GPR137B: variants seen among roughly 807,000 people sequenced by gnomAD.
GPR137B encodes G protein-coupled receptor 137B.
Under a neutral mutation model 42.5 loss-of-function variants are expected in GPR137B, and 42 were observed. The ratio of observed to expected loss-of-function variants is 0.99; its 90% CI spans 0.77 to 1.28. GPR137B has a LOEUF of 1.28. Among genes scored for constraint, GPR137B ranks in the 50% most tolerant of loss-of-function variants. The probability of loss-of-function intolerance (pLI) is 0.00; values close to 1 mark genes in which losing one functional copy is unlikely to be tolerated. For missense variants in GPR137B, 487 were observed against 493.9 expected, an observed-to-expected ratio of 0.99 and a Z score of 0.13; for synonymous variants, 218 against 209.7, an observed-to-expected ratio of 1.04 and a Z score of -0.34.
At chr1:236,144,764 C>A (rs1403075875) in intron 1 of GPR137B, among the ~76,000 whole-genome samples, 1 of 152,190 alleles carries the variant, frequency 6.6e-6, no homozygotes, top group African/African-American at 2.4e-5. Context: ...GTGATGTTAC[C>A]CTAAGAACTG....
intron 5 of GPR137B, among the ~76,000 whole-genome samples, chr1:236,192,276 C>G (rs61385706): frequency 0.02 from 3,112 of 152,148 alleles, 110 homozygotes; most frequent in African/African-American, 0.069. Flanking sequence ...TGGGGTGGGA[C>G]CTACCGAGCC....
At chr1:236,180,253 T>C (rs1248935256) in intron 4 of GPR137B, 1 of 446,626 alleles carries the variant, frequency 2.2e-6, no homozygotes, top group African/African-American at 2.0e-5. Flanking sequence ...TAAACAGTTG[T>C]TATACTACAT....
rs1662040602 is a variant in GPR137B, at chr1:236,156,743, C to T, written c.415-11963C>T. On this transcript the variant is annotated intron_variant, in intron 1 of 6. Coordinates refer to ENST00000366592, the MANE Select transcript of GPR137B (RefSeq NM_003272.4). This position sits in a 1 kb window ranked among gnomAD's most constrained non-coding sequence, Gnocchi z 4.8. ...CTCAGCATGTGGGAACAGACTGAAG[C>T]AGCTGACTAATGACTGTTGCCTGGG... 6.6e-6 allele frequency among the ~76,000 whole-genome samples: 1 copy of T among 152,190 alleles called. No individual in the cohort carries two copies. Among genetic ancestry groups the T allele is most frequent in the Non-Finnish European group, 1.5e-5 (1 of 68,036 alleles).
intron 3 of GPR137B, among the ~76,000 whole-genome samples, chr1:236,179,628 A>T (rs1310254877): frequency 6.6e-6 from 1 of 152,216 alleles, no homozygotes; most frequent in Non-Finnish European, 1.5e-5. Flanking sequence ...CGTACACTCT[A>T]GGCCACGGGA....
chr1:236,193,651 T>C (rs1224404616), intron 5 of GPR137B, among the ~76,000 whole-genome samples: 1 of 152,226 alleles, frequency 6.6e-6, no homozygotes, highest in Non-Finnish European at 1.5e-5. Flanking sequence ...GTGTGCTTAG[T>C]GGTCATTTGT....
At chr1:236,205,089 G>A in intron 5 of GPR137B, 37 bp from the exon 6 acceptor site, 3 of 1,552,610 alleles carry the variant, frequency 1.9e-6, no homozygotes, top group Non-Finnish European at 2.6e-6. Context: ...AAGGCATGAT[G>A]TCTGTAAGTA....
At chr1:236,181,996 G>A (rs10924547) in intron 4 of GPR137B, among the ~76,000 whole-genome samples, 1,968 of 151,134 alleles carry the variant, frequency 0.013, 51 homozygotes, top group African/African-American at 0.046. Flanking sequence ...GGGTTCAAGC[G>A]ATTCTTCTGC....
chr1:236,201,263 T>G (rs1663484559), intron 5 of GPR137B, among the ~76,000 whole-genome samples: 1 of 152,066 alleles, frequency 6.6e-6, no homozygotes, highest in South Asian at 2.1e-4. Context: ...CTGTGCCTGA[T>G]CATCTTTTTG....
chr1:236,197,290 A>G (rs532460418), intron 5 of GPR137B, among the ~76,000 whole-genome samples: 1 of 152,126 alleles, frequency 6.6e-6, no homozygotes, highest in Non-Finnish European at 1.5e-5. Flanking sequence ...ATATTAGTCC[A>G]TTGCTGGATG....
chr1:236,149,837 C>T (rs956736230), intron 1 of GPR137B, among the ~76,000 whole-genome samples: 1 of 152,244 alleles, frequency 6.6e-6, no homozygotes, highest in Non-Finnish European at 1.5e-5. Flanking sequence ...TGTGTGTGCA[C>T]CTAGGTGTGC....
chr1:236,147,341 A>T (rs968723578), intron 1 of GPR137B, among the ~76,000 whole-genome samples: 2 of 152,230 alleles, frequency 1.3e-5, no homozygotes, highest in Admixed American at 1.3e-4. Context: ...CCACGTGGCC[A>T]TGTTGACATG....
At chr1:236,165,482 G>A (rs1483978604) in intron 1 of GPR137B, among the ~76,000 whole-genome samples, 2 of 152,154 alleles carry the variant, frequency 1.3e-5, no homozygotes, top group African/African-American at 4.8e-5. Context: ...GAACTCCAGG[G>A]CCCTCTTGTA....
intron 1 of GPR137B, among the ~76,000 whole-genome samples, chr1:236,168,094 A>T (rs536839057): frequency 6.6e-6 from 1 of 152,006 alleles, no homozygotes; most frequent in South Asian, 2.1e-4. Flanking sequence ...TGCCAGCAAA[A>T]ATTCTAATAA....
intron 4 of GPR137B, chr1:236,180,247 C>T (rs1473391078): frequency 2.0e-6 from 1 of 502,442 alleles, no homozygotes; most frequent in Non-Finnish European, 3.6e-6. Flanking sequence ...GCTATGTAAA[C>T]AGTTGTTATA....
chr1:236,147,423 C>T (rs1410227710), intron 1 of GPR137B, among the ~76,000 whole-genome samples: 1 of 152,246 alleles, frequency 6.6e-6, no homozygotes, highest in Non-Finnish European at 1.5e-5. Flanking sequence ...AGGGGGCAGC[C>T]ACATGGCTTT....
chr1:236,167,390 C>T (rs1193840017), intron 1 of GPR137B, among the ~76,000 whole-genome samples: 1 of 152,136 alleles, frequency 6.6e-6, no homozygotes, highest in East Asian at 1.9e-4. Flanking sequence ...GGACACTACG[C>T]TAAGTGAAAT....
intron 1 of GPR137B, among the ~76,000 whole-genome samples, chr1:236,153,620 C>T (rs1236317114): frequency 6.6e-6 from 1 of 152,204 alleles, no homozygotes; most frequent in Non-Finnish European, 1.5e-5. Flanking sequence ...TAGATTCTCG[C>T]TGCGTGGAAC....
chr1:236,189,106 T>C (rs546964592), intron 5 of GPR137B, among the ~76,000 whole-genome samples: 4 of 152,360 alleles, frequency 2.6e-5, no homozygotes, highest in Non-Finnish European at 4.4e-5. Flanking sequence ...TTTATTTGCA[T>C]AGATGTGTTT....
Position 236,142,725 on chromosome 1 carries a change from C to T in GPR137B, c.103C>T (p.Pro35Ser). 1 of 1,608,948 alleles carries T rather than the reference C, an allele frequency of 6.2e-7. No individual in the cohort carries two copies. Residue 35 changes from proline (P) to serine (S), a missense_variant, in exon 1 of 7, where the codon CCG becomes TCG. Physicochemically the swap from Pro to Ser is moderately conservative, Grantham distance 74. Transcript: ENST00000366592. ...CGACTCGCTGCCGCCCACGCTGACC[C>T]CGGCCGTGCCCCCCTACGTGAAGCT... The part of the protein sequence containing the change: ...RNDSLPPTLT[P>S]AVPPYVKLGL...
Sources: allele counts gnomAD v4.1 joint callset (sites outside exome capture counted in the v4.1 genomes callset), GRCh38; gene constraint gnomAD v4.1.1; non-coding constraint Gnocchi (gnomAD v3.1); transcripts MANE v1.5; gene names NCBI Gene and HGNC (gene_info 2026-07-23, HGNC 2026-07-21).